Variants in USP45 observed in about 807,000 individuals in gnomAD.
USP45 encodes the protein ubiquitin specific peptidase 45.
A neutral mutation model predicts 95.8 loss-of-function variants in USP45; 89 were observed. The observed-to-expected ratio is 0.93, with a 90% CI of 0.78 to 1.11. The LOEUF (loss-of-function observed/expected upper bound fraction) is 1.11, where lower values mean the gene tolerates loss of function less well. USP45 is among the 50% of genes least tolerant of loss of function. The pLI is 0.00. For missense variants in USP45, 898 were observed against 942.5 expected (o/e 0.95, Z 0.62); for synonymous variants, 281 against 316.2 (o/e 0.89, Z 1.18).
At chr6:99,511,843 GTGTATATATATA>G (rs1278404693) in intron 1 of USP45, among the ~76,000 whole-genome samples, 27 of 4,986 alleles carry the variant, frequency 5.4e-3, no homozygotes, top group African/African-American at 0.035. Context: ...ATGTGAGTGT[GTGTATATATATA>G]TATATATATA....
rs1357179020 is a variant in USP45, at chr6:99,503,796, A to C, written c.447T>G (p.Phe149Leu). Residue 149 changes from phenylalanine (F) to leucine (L), a missense_variant, in exon 5 of 18, where the codon TTT (phenylalanine) becomes TTG (leucine). Physicochemically the swap from Phe to Leu is conservative, Grantham distance 22. Coordinates refer to ENST00000500704, the MANE Select transcript of USP45 (RefSeq NM_001346022.3). ...GTGTTTTAGAAGCATGTTTCTGGAG[A>C]AAATCAACTATCTGAGCCAAAACCT... ...NKKVLAQIVD[F>L]LQKHASKTQT... 2 of 1,602,082 alleles carry C rather than the reference A, an allele frequency of 1.2e-6. No homozygotes were observed. The highest frequency in any genetic ancestry group is 3.4e-5 in the Admixed American group (2 of 59,168).
At chr6:99,514,424 A>C (rs1308420253) in intron 1 of USP45, among the ~76,000 whole-genome samples, 2 of 152,238 alleles carry the variant, frequency 1.3e-5, no homozygotes, top group Admixed American at 6.5e-5. Context: ...CCCAGATGCC[A>C]AACAAGCACC....
intron 1 of USP45, among the ~76,000 whole-genome samples, chr6:99,513,979 C>T (rs1800515802): frequency 6.6e-6 from 1 of 152,140 alleles, no homozygotes; most frequent in East Asian, 1.9e-4. Context: ...GATGGTTACA[C>T]TAAAAGCCCA....
At chr6:99,500,767 G>A (rs767050450) in intron 5 of USP45, among the ~76,000 whole-genome samples, 3 of 152,092 alleles carry the variant, frequency 2.0e-5, no homozygotes, top group Non-Finnish European at 4.4e-5. Flanking sequence ...TTGGAGCTAC[G>A]ACTAGTATGC....
chr6:99,501,992 T>C, intron 5 of USP45: 5 of 1,303,094 alleles, frequency 3.8e-6, no homozygotes, highest in Non-Finnish European at 5.1e-6. Flanking sequence ...AAGAGATGAA[T>C]CAGGATGGGG....
At chr6:99,450,702 G>A (rs935544126) in intron 13 of USP45, among the ~76,000 whole-genome samples, 1 of 152,156 alleles carries the variant, frequency 6.6e-6, no homozygotes, top group Non-Finnish European at 1.5e-5. Flanking sequence ...GCATCATCTT[G>A]ATACCAAAAC....
intron 1 of USP45, among the ~76,000 whole-genome samples, chr6:99,514,671 A>G (rs1800724242): frequency 2.0e-4 from 1 of 4,884 alleles, no homozygotes; most frequent in East Asian, 0.083. Flanking sequence ...ATCCTTAAGA[A>G]AAAAAAATCC....
chr6:99,455,610 A>C (rs1784867298), intron 13 of USP45, among the ~76,000 whole-genome samples: 1 of 152,140 alleles, frequency 6.6e-6, no homozygotes, highest in Admixed American at 6.6e-5. Flanking sequence ...CACAATAGCC[A>C]AGAAATGGAA....
intron 3 of USP45, among the ~76,000 whole-genome samples, chr6:99,508,153 A>G (rs4840055): frequency 0.85 from 129,746 of 152,180 alleles, 56,044 homozygotes; most frequent in East Asian, 1. Context: ...GTGAAATAAT[A>G]AAGATTTCTC....
chr6:99,435,938 T>C (rs1440644337), intron 17 of USP45, 92 bp from the exon 18 acceptor site: 40 of 1,282,790 alleles, frequency 3.1e-5, no homozygotes, highest in Non-Finnish European at 4.0e-5. Context: ...TTACAAACTC[T>C]ATCTAATGCC....
intron 13 of USP45, chr6:99,461,499 GC>G: frequency 1.0e-6 from 1 of 985,266 alleles, no homozygotes; most frequent in Non-Finnish European, 1.2e-6. Flanking sequence ...GTTTTACAGT[GC>G]TTTATTTAAC....
intron 1 of USP45, 23 bp from the exon 2 acceptor site, chr6:99,510,253 A>G: frequency 6.5e-7 from 1 of 1,546,150 alleles, no homozygotes; most frequent in Non-Finnish European, 8.8e-7. Context: ...AGGGAAAAAA[A>G]TTCATACATT....
rs1188731956 is a variant in USP45, at chr6:99,433,532, T to C, written c.*2184A>G. On this transcript the variant is annotated 3_prime_UTR_variant, in exon 18 of 18. Coordinates refer to ENST00000500704, the MANE Select transcript of USP45 (RefSeq NM_001346022.3). ...TGCTTTCTCTGTTACAAAAGCTATCTTTAGGAAATTCTTAAGTATCAAAAA... is the reference window on the plus strand; with the variant it reads ...TGCTTTCTCTGTTACAAAAGCTATCCTTAGGAAATTCTTAAGTATCAAAAA... The C allele has an allele frequency of 6.6e-6, 1 of 152,530 alleles. No homozygotes were observed. Among genetic ancestry groups the C allele is most frequent in the Admixed American group, 6.5e-5 (1 of 15,274 alleles). The allele number at this position is 152,530 out of a possible 1,614,324, so 9.4% of individuals were successfully genotyped here. A position where few individuals can be genotyped will look rare whatever the true frequency, so the allele number is the denominator to read the frequency against.
At chr6:99,449,450 T>C (rs1783343457) in intron 13 of USP45, among the ~76,000 whole-genome samples, 1 of 152,170 alleles carries the variant, frequency 6.6e-6, no homozygotes, top group Admixed American at 6.5e-5. Context: ...AAGGGATCAA[T>C]TCAACAAGAA....
intron 16 of USP45, among the ~76,000 whole-genome samples, chr6:99,437,744 G>A (rs145356073): frequency 6.6e-5 from 10 of 150,678 alleles, no homozygotes; most frequent in East Asian, 2.0e-4. Flanking sequence ...TGCAACCTCC[G>A]CCACCCAGGT....
chr6:99,481,502 C>T lies in USP45; in HGVS notation c.845+1251G>A, dbSNP rs569746804. 5.3e-5 allele frequency among the ~76,000 whole-genome samples: 8 copies of T among 152,202 alleles called. No individual in the cohort carries two copies. In the East Asian group the frequency reaches 1.5e-3, roughly 29 times the overall value. On this transcript the variant is annotated intron_variant, in intron 8 of 17. Transcript: ENST00000500704. ...TCTAAAGCATACAATGACCTAGTAA[C>T]TTTTTTTGTTTTAATTTCAACTTTT...
intron 1 of USP45, among the ~76,000 whole-genome samples, chr6:99,513,572 C>G (rs1271617363): frequency 6.6e-6 from 1 of 152,108 alleles, no homozygotes; most frequent in African/African-American, 2.4e-5. Context: ...CAGATAAGCT[C>G]TTGATAAAGA....
intron 2 of USP45, 85 bp from the exon 3 acceptor site, chr6:99,508,867 T>A: frequency 8.3e-7 from 1 of 1,205,388 alleles, no homozygotes; most frequent in Non-Finnish European, 1.1e-6. Flanking sequence ...AAGTATTAAA[T>A]GCTGTTAACT....
At chr6:99,461,836 C>A in intron 13 of USP45, 1 of 982,520 alleles carries the variant, frequency 1.0e-6, no homozygotes, top group East Asian at 1.1e-4. Flanking sequence ...TATCTTTATA[C>A]TCTTATTAAC....
Sources: gnomAD v4.1 joint callset for allele counts (sites outside exome capture counted in the v4.1 genomes callset) on GRCh38, gnomAD v4.1.1 for gene constraint, MANE v1.5 for transcripts, NCBI Gene and HGNC (gene_info 2026-07-23, HGNC 2026-07-21) for gene names.